The following ARHGEF37 variants were observed in gnomAD, a reference collection of about 807,000 sequenced individuals.
ARHGEF37 encodes Rho guanine nucleotide exchange factor 37, also known as Rho guanine nucleotide exchange factor (GEF) 37.
In ARHGEF37, 55 loss-of-function variants were observed where a neutral mutation model predicts 71.1. That is an observed-to-expected ratio of 0.77 (90% confidence interval 0.62 to 0.97). The LOEUF is 0.97. Among genes scored for constraint, ARHGEF37 ranks in the 50% least tolerant of loss-of-function variants. The pLI is 0.00. For synonymous variants in ARHGEF37, 327 were observed against 350.6 expected (o/e 0.93, Z 0.75); for missense variants, 765 against 836.8 (o/e 0.91, Z 1.06).
intron 1 of ARHGEF37, among the ~76,000 whole-genome samples, chr5:149,581,863 GA>G (rs1763115884): frequency 6.6e-6 from 1 of 152,214 alleles, no homozygotes; most frequent in Non-Finnish European, 1.5e-5. Context: ...GAGGCCCAGG[GA>G]GGTTAGCCGG....
intron 12 of ARHGEF37, among the ~76,000 whole-genome samples, chr5:149,631,757 C>T (rs1752890189): frequency 6.6e-6 from 1 of 152,204 alleles, no homozygotes; most frequent in East Asian, 1.9e-4. Context: ...TGTGAGAACC[C>T]AAACCCAGTA....
intron 1 of ARHGEF37, among the ~76,000 whole-genome samples, chr5:149,592,092 A>G (rs1006253595): frequency 1.3e-5 from 2 of 152,198 alleles, no homozygotes; most frequent in East Asian, 1.9e-4. Flanking sequence ...TGTTTCCCCA[A>G]TGGTTACATC....
chr5:149,561,647 T>C (rs964487144), intron 1 of ARHGEF37, among the ~76,000 whole-genome samples: 4 of 152,214 alleles, frequency 2.6e-5, no homozygotes, highest in Non-Finnish European at 4.4e-5. Flanking sequence ...AAAAAAAGAC[T>C]AAATGCTGCA....
chr5:149,555,130 C>CAA (rs914879036), intron 1 of ARHGEF37, among the ~76,000 whole-genome samples: 3 of 55,944 alleles, frequency 5.4e-5, no homozygotes, highest in Non-Finnish European at 3.6e-5. Context: ...GACTCTGTCT[C>CAA]AAAAAAAAAA....
Position 149,598,763 on chromosome 5 carries a change from T to TAGATAC in ARHGEF37, c.186+813_186+814insCAGATA, listed in dbSNP as rs1554122093. 3.1e-3 allele frequency among the ~76,000 whole-genome samples: 409 copies of TAGATAC among 131,052 alleles called. 9 individuals carry two copies. Among genetic ancestry groups the TAGATAC allele is most frequent in the African/African-American group, 0.01 (390 of 37,486 alleles). The allele number at this position is 131,052 out of a possible 152,430, so 86.0% of individuals were successfully genotyped here. ...ATATATATATATCTATATATAGATA[T>TAGATAC]AGATATAGATATAGATATATAGATA... is the stretch of plus-strand genomic sequence containing the variant. On this transcript the variant is annotated intron_variant, in intron 2 of 12. Transcript: ENST00000333677.
chr5:149,562,698 G>A (rs113298655), intron 1 of ARHGEF37, among the ~76,000 whole-genome samples: 1 of 152,042 alleles, frequency 6.6e-6, no homozygotes, highest in East Asian at 1.9e-4. Flanking sequence ...CGCCCGCCTC[G>A]GCCTCCCAAA....
chr5:149,584,821 C>G (rs1246815777), intron 1 of ARHGEF37, among the ~76,000 whole-genome samples: 1 of 151,994 alleles, frequency 6.6e-6, no homozygotes, highest in African/African-American at 2.4e-5. Context: ...AGGGTTTCAC[C>G]ATGTTGGCCA....
intron 1 of ARHGEF37, among the ~76,000 whole-genome samples, chr5:149,568,147 A>C (rs1762919714): frequency 1.3e-5 from 2 of 151,984 alleles, no homozygotes; most frequent in South Asian, 2.1e-4. Context: ...CAGGCTCCTG[A>C]GTAGCTGGGA....
intron 1 of ARHGEF37, among the ~76,000 whole-genome samples, chr5:149,572,988 GCTTCTGGCAAGGA>G (rs1762986170): frequency 6.6e-6 from 1 of 152,120 alleles, no homozygotes; most frequent in South Asian, 2.1e-4. Context: ...CGTGGCCCTG[GCTTCTGGCAAGGA>G]CTTCTGCGCT....
At chr5:149,622,185 C>T (rs1752567837) in intron 9 of ARHGEF37, 123 bp downstream of exon 9, 2 of 977,748 alleles carry the variant, frequency 2.0e-6, no homozygotes, top group African/African-American at 3.3e-5. Context: ...GGTCATCAGG[C>T]CCTTAGGAAG....
chr5:149,593,720 A>G (rs1286902567), intron 1 of ARHGEF37, among the ~76,000 whole-genome samples: 1 of 152,250 alleles, frequency 6.6e-6, no homozygotes, highest in East Asian at 1.9e-4. Flanking sequence ...CGTTATTTAA[A>G]AAATCATGGA....
rs141875574 is a variant in ARHGEF37, at chr5:149,617,791, C to A, written c.659-385C>A. Among the ~76,000 whole-genome samples the A allele has an allele frequency of 2.1e-3, 326 of 152,310 alleles. 2 individuals are homozygous for A. Among genetic ancestry groups the A allele is most frequent in the African/African-American group, 7.5e-3 (310 of 41,556 alleles). On this transcript the variant is annotated intron_variant, in intron 5 of 12. Coordinates refer to ENST00000333677, the MANE Select transcript of ARHGEF37 (RefSeq NM_001001669.3). ...TGAGTCAGGACCGGGAAGCGTGGCT[C>A]CCAGCTGGCCTGGCTCAAAGTGGCT...
In ARHGEF37 at chr5:149,600,799, C is replaced by T. The variant is rs80219591; in HGVS notation, c.187-309C>T. ...GGATTACAAGCACCCACCACCATGC[C>T]GAGCTAATTTTTGTATTTTTAGTAG... is the stretch of plus-strand genomic sequence containing the variant. On this transcript the variant is annotated intron_variant, in intron 2 of 12. Transcript: ENST00000333677. Among the ~76,000 whole-genome samples the T allele has an allele frequency of 3.4e-3, 525 of 152,180 alleles. 23 individuals carry two copies. The East Asian group carries it at 0.085, about 25-fold the overall frequency.
intron 1 of ARHGEF37, among the ~76,000 whole-genome samples, chr5:149,569,819 CTA>C (rs371355087): frequency 7.5e-4 from 113 of 151,292 alleles, no homozygotes; most frequent in African/African-American, 2.5e-3. Context: ...GAGGGTTTCA[CTA>C]TGTTTGCCAG....
In ARHGEF37 at chr5:149,628,803, C is replaced by T. The variant is rs748566958; in HGVS notation, c.1661-6C>T. ...GCAGCCTGCTAACCTTCTGCATGCTCCCTAGGACATCGTGGGTATGTGCCG... is the reference window on the plus strand; with the variant it reads ...GCAGCCTGCTAACCTTCTGCATGCTTCCTAGGACATCGTGGGTATGTGCCG... On this transcript the variant is annotated splice_region_variant and splice_polypyrimidine_tract_variant and intron_variant, in intron 11 of 12. Coordinates refer to ENST00000333677, the MANE Select transcript of ARHGEF37 (RefSeq NM_001001669.3). 6.0e-5 allele frequency: 97 copies of T among 1,611,304 alleles called. 1 individual carries two copies. In the Admixed American group the frequency reaches 1.5e-3, roughly 26 times the overall value.
At chr5:149,591,634 G>C (rs1763410355) in intron 1 of ARHGEF37, among the ~76,000 whole-genome samples, 1 of 152,218 alleles carries the variant, frequency 6.6e-6, no homozygotes, top group Non-Finnish European at 1.5e-5. Context: ...GCCGACTTAT[G>C]ATGATTCGAC....
intron 3 of ARHGEF37, among the ~76,000 whole-genome samples, chr5:149,609,343 T>A (rs968507705): frequency 1.3e-5 from 2 of 152,188 alleles, no homozygotes; most frequent in Non-Finnish European, 2.9e-5. Flanking sequence ...TATATCATTC[T>A]GTCACTCAAT....
At chr5:149,615,380 A>T (rs1752346963) in intron 4 of ARHGEF37, among the ~76,000 whole-genome samples, 1 of 150,832 alleles carries the variant, frequency 6.6e-6, no homozygotes, top group Non-Finnish European at 1.5e-5. Flanking sequence ...TCAAGCAATC[A>T]TTTTTTTTAA....
In ARHGEF37 at chr5:149,619,038, T is replaced by C; in HGVS notation, c.890T>C (p.Leu297Pro). The C allele has an allele frequency of 6.2e-7, 1 of 1,613,860 alleles. No individual in the cohort carries two copies. Among genetic ancestry groups the C allele is most frequent in the Non-Finnish European group, 8.5e-7 (1 of 1,179,734 alleles). The change falls in exon 7 of 13, where the codon CTG becomes CCG. Residue 297 changes from leucine to proline, a missense_variant. Physicochemically the swap from Leu to Pro is moderately conservative, Grantham distance 98. Around this residue, in one of 5 missense-constraint regions of ARHGEF37, gnomAD observed 167 missense variants for 173.3 expected, o/e 0.96. Coordinates refer to ENST00000333677, the MANE Select transcript of ARHGEF37 (RefSeq NM_001001669.3). ...KNNVAAYLDNLQAFLYFRPHE... is the reference protein window; with the variant it reads ...KNNVAAYLDNPQAFLYFRPHE... ...AACGTGGCTGCTTACCTGGACAATC[T>C]GCAGGTGAGGACACTGCAGGGTTCA...
Sources: gnomAD v4.1 joint callset for allele counts (sites outside exome capture counted in the v4.1 genomes callset) on GRCh38, gnomAD v4.1.1 for gene constraint, gnomAD v4.1.1 regional missense constraint, MANE v1.5 for transcripts, NCBI Gene and HGNC (gene_info 2026-07-23, HGNC 2026-07-21) for gene names.